Variants in COL28A1 observed in about 807,000 individuals in gnomAD.
COL28A1 encodes collagen type XXVIII alpha 1 chain, also known as collagen alpha-1(XXVIII) chain.
Under a neutral mutation model 150.2 loss-of-function variants are expected in COL28A1, and 161 were observed. The observed-to-expected ratio is 1.07, with a 90% CI of 0.94 to 1.22. The LOEUF (loss-of-function observed/expected upper bound fraction) is 1.22. COL28A1 is among the 50% of genes most tolerant of loss of function. COL28A1 has a pLI of 0.00. For synonymous variants in COL28A1, 552 were observed against 469.7 expected (o/e 1.18, Z -2.26); for missense variants, 1,617 against 1,388.3 (o/e 1.16, Z -2.62).
chr7:7,421,847 T>G (rs978017477), intron 25 of COL28A1, among the ~76,000 whole-genome samples: 1 of 152,188 alleles, frequency 6.6e-6, no homozygotes, highest in African/African-American at 2.4e-5. Context: ...ACTTAGTACT[T>G]AGCTGCTTCT....
intron 6 of COL28A1, among the ~76,000 whole-genome samples, chr7:7,518,645 G>T (rs1415076337): frequency 1.3e-5 from 2 of 152,144 alleles, no homozygotes; most frequent in Non-Finnish European, 2.9e-5. Flanking sequence ...GCAATGAAAA[G>T]CAAACCAGTT....
intron 18 of COL28A1, among the ~76,000 whole-genome samples, chr7:7,445,300 G>C (rs1434542023): frequency 1.3e-5 from 2 of 152,172 alleles, no homozygotes; most frequent in African/African-American, 4.8e-5. Flanking sequence ...TGATAAGAGA[G>C]GCAAAGACTG....
chr7:7,409,103 C>T (rs995098708), intron 27 of COL28A1, among the ~76,000 whole-genome samples: 11 of 152,220 alleles, frequency 7.2e-5, no homozygotes, highest in African/African-American at 2.6e-4. Context: ...TAATATTTCC[C>T]TACCTCTCAT....
At chr7:7,523,893 A>G (rs1175409322) in intron 4 of COL28A1, among the ~76,000 whole-genome samples, 1 of 152,108 alleles carries the variant, frequency 6.6e-6, no homozygotes, top group Admixed American at 6.5e-5. Context: ...CACCCCCCAA[A>G]ATAGAGGACC....
chr7:7,410,249 T>A (rs1448087536), intron 27 of COL28A1, among the ~76,000 whole-genome samples: 2 of 152,182 alleles, frequency 1.3e-5, no homozygotes, highest in Non-Finnish European at 2.9e-5. Flanking sequence ...TGTTTACAAT[T>A]TGGTTTTAAA....
At chr7:7,361,167 A>G (rs1326717681) in intron 33 of COL28A1, among the ~76,000 whole-genome samples, 3 of 152,182 alleles carry the variant, frequency 2.0e-5, no homozygotes, top group Non-Finnish European at 4.4e-5. Flanking sequence ...CTTAACATAT[A>G]AGATGCTCTA....
intron 11 of COL28A1, among the ~76,000 whole-genome samples, chr7:7,497,554 T>G (rs573282758): frequency 6.6e-6 from 1 of 152,160 alleles, no homozygotes; most frequent in East Asian, 1.9e-4. Context: ...TATGCCAAAC[T>G]GCCTCTTGAA....
intron 30 of COL28A1, among the ~76,000 whole-genome samples, chr7:7,379,989 G>T (rs550285870): frequency 6.6e-6 from 1 of 152,038 alleles, no homozygotes; most frequent in African/African-American, 2.4e-5. Context: ...CTAGTACATC[G>T]AATCAGCCCC....
At chr7:7,533,994 T>G (rs962361724) in intron 1 of COL28A1, among the ~76,000 whole-genome samples, 1 of 152,140 alleles carries the variant, frequency 6.6e-6, no homozygotes, top group African/African-American at 2.4e-5. Context: ...ATGAGCACGA[T>G]TTTTCCAGAC....
At chr7:7,521,877 C>T in intron 5 of COL28A1, 28 bp downstream of exon 5, 2 of 906,900 alleles carry the variant, frequency 2.2e-6, no homozygotes, top group Non-Finnish European at 1.9e-6. Flanking sequence ...GACTTTCTGA[C>T]TTAAGTTCAA....
At chr7:7,413,429 G>C (rs955891758) in intron 27 of COL28A1, among the ~76,000 whole-genome samples, 1 of 152,084 alleles carries the variant, frequency 6.6e-6, no homozygotes, top group Non-Finnish European at 1.5e-5. Context: ...CAAACTTCTG[G>C]TTCCTTTTCT....
chr7:7,362,990 G>C (rs1324817469), intron 33 of COL28A1, among the ~76,000 whole-genome samples: 1 of 151,960 alleles, frequency 6.6e-6, no homozygotes, highest in Non-Finnish European at 1.5e-5. Context: ...TCTACTGGGG[G>C]GAATACAAAG....
chr7:7,361,632 T>C (rs1780660509), intron 33 of COL28A1, among the ~76,000 whole-genome samples: 1 of 152,242 alleles, frequency 6.6e-6, no homozygotes, highest in Non-Finnish European at 1.5e-5. Context: ...GCTGCATAAA[T>C]GTCTTCTTTT....
Position 7,507,127 on chromosome 7 carries a change from C to T in COL28A1, c.962G>A (p.Arg321Lys). Residue 321 changes from arginine to lysine, a missense_variant, in exon 10 of 35, where the codon AGA becomes AAA. By Grantham distance (26) the Arg-to-Lys change is conservative. Transcript: ENST00000399429. ...SPGPYGPKGP[R>K]GIQGITGPPG... The stretch of plus-strand genomic sequence containing the variant: ...TTTTAACCCCCTTACCTGAATTCCT[C>T]TGGGTCCCTTTGGTCCATATGGCCC... 1 of 1,285,738 alleles carries T rather than the reference C, an allele frequency of 7.8e-7. No individual in the cohort carries two copies. Among genetic ancestry groups the T allele is most frequent in the African/African-American group, 1.5e-5 (1 of 68,664 alleles). 79.6% of individuals were successfully genotyped at this position (1,285,738 alleles called of 1,614,324 possible).
intron 25 of COL28A1, among the ~76,000 whole-genome samples, chr7:7,422,636 GA>G (rs112705922): frequency 6.4e-4 from 89 of 139,512 alleles, no homozygotes; most frequent in Middle Eastern, 3.7e-3. Context: ...CTCCAAAAAA[GA>G]AAAAAAAAAA....
At chr7:7,344,764 C>T in the COL28A1 span, among the ~76,000 whole-genome samples, 88 of 152,140 alleles carry the variant, frequency 5.8e-4, no homozygotes, top group South Asian at 2.1e-3. Flanking sequence ...CAAAGAATTA[C>T]GCAACCAAAA....
In COL28A1 at chr7:7,477,100, A is replaced by G. The variant is rs1258730589; in HGVS notation, c.1233+12T>C. 1 of 1,045,554 alleles carries G rather than the reference A, an allele frequency of 9.6e-7. No individual in the cohort carries two copies. Among genetic ancestry groups the G allele is most frequent in the Non-Finnish European group, 1.5e-6 (1 of 659,796 alleles). 64.8% of individuals were successfully genotyped at this position (1,045,554 alleles called of 1,614,324 possible). A position where few individuals can be genotyped will look rare whatever the true frequency, so the allele number is the denominator to read the frequency against. On this transcript the variant is annotated intron_variant, in intron 14 of 34. Transcript: ENST00000399429. ...ACAAAGCACCTTTTCCTGGTACAGA[A>G]GGTATTGTTACCTTTGGTCCTGGAA...
At chr7:7,513,107 CCA>C (rs2115157574) in intron 8 of COL28A1, among the ~76,000 whole-genome samples, 1 of 152,294 alleles carries the variant, frequency 6.6e-6, no homozygotes, top group East Asian at 1.9e-4. Context: ...AGCCTGCAGA[CCA>C]CAGTTTCAAC....
chr7:7,519,408 A>C (rs1477875214), intron 6 of COL28A1, among the ~76,000 whole-genome samples: 3 of 152,228 alleles, frequency 2.0e-5, no homozygotes, highest in Non-Finnish European at 4.4e-5. Flanking sequence ...TAACCAAAGC[A>C]TATCACTCCC....
Sources: allele counts gnomAD v4.1 joint callset (sites outside exome capture counted in the v4.1 genomes callset), GRCh38; gene constraint gnomAD v4.1.1; transcripts MANE v1.5; gene names NCBI Gene and HGNC (gene_info 2026-07-23, HGNC 2026-07-21).